Variants in ANKRD30B observed in about 807,000 individuals in gnomAD.
ANKRD30B encodes the protein ankyrin repeat domain 30B.
ANKRD30B carries 144 observed loss-of-function variants against 202.2 expected under a neutral mutation model. That is an observed-to-expected ratio of 0.71 (90% CI 0.62 to 0.82). The LOEUF (loss-of-function observed/expected upper bound fraction) is 0.82, where lower values mean the gene tolerates loss of function less well. Among genes scored for constraint, ANKRD30B ranks in the 40% least tolerant of loss-of-function variants. The probability of loss-of-function intolerance (pLI) is 0.00; values close to 1 mark genes in which losing one functional copy is unlikely to be tolerated. For synonymous variants in ANKRD30B, 508 were observed against 561.3 expected, an observed-to-expected ratio of 0.91 and a Z score of 1.34; for missense variants, 1,487 against 1,669.1, an observed-to-expected ratio of 0.89 and a Z score of 1.90.
At chr18:14,840,420 T>C (rs1376966557) in intron 36 of ANKRD30B, among the ~76,000 whole-genome samples, 168 bp from the exon 37 acceptor site, 3 of 152,102 alleles carry the variant, frequency 2.0e-5, no homozygotes, top group Non-Finnish European at 4.4e-5. Context: ...ATGCCTGTAG[T>C]CCCAGCTACT....
At chr18:14,875,882 G>A in the ANKRD30B span, among the ~76,000 whole-genome samples, 2 of 152,072 alleles carry the variant, frequency 1.3e-5, no homozygotes, top group South Asian at 4.2e-4. Flanking sequence ...CTGGGCAATG[G>A]GCGCTAAGAA....
intron 20 of ANKRD30B, among the ~76,000 whole-genome samples, chr18:14,798,890 G>A (rs570947776): frequency 6.6e-6 from 1 of 152,132 alleles, no homozygotes; most frequent in Non-Finnish European, 1.5e-5. Flanking sequence ...CAGGAGCATT[G>A]CATCTTTCAT....
chr18:14,773,870 G>A (rs1967181077), intron 9 of ANKRD30B, among the ~76,000 whole-genome samples: 2 of 152,218 alleles, frequency 1.3e-5, no homozygotes, highest in East Asian at 3.9e-4. Flanking sequence ...TGGCCAGGAT[G>A]ATCTCTATCT....
intron 28 of ANKRD30B, 42 bp downstream of exon 28, chr18:14,810,222 T>A: frequency 8.4e-7 from 1 of 1,197,274 alleles, no homozygotes; most frequent in African/African-American, 1.6e-5. Flanking sequence ...ATTAAGAATA[T>A]TAAACTATTT....
the ANKRD30B span, among the ~76,000 whole-genome samples, chr18:14,886,744 C>T: frequency 3.3e-5 from 5 of 152,046 alleles, no homozygotes; most frequent in Admixed American, 1.3e-4. Flanking sequence ...GTCTGGTAGG[C>T]ACTTAAGGAA....
At chr18:14,836,839 CGT>C (rs1971196158) in intron 34 of ANKRD30B, among the ~76,000 whole-genome samples, 1 of 151,770 alleles carries the variant, frequency 6.6e-6, no homozygotes. Flanking sequence ...TGACTCTGCA[CGT>C]TGTCTGTCCT....
chr18:14,760,825 G>A (rs1437969836), intron 6 of ANKRD30B, among the ~76,000 whole-genome samples: 1 of 151,886 alleles, frequency 6.6e-6, no homozygotes, highest in Non-Finnish European at 1.5e-5. Context: ...AAGAATTTAG[G>A]TGTAGGTAGT....
At chr18:14,845,326 C>A (rs1971587570) in intron 39 of ANKRD30B, among the ~76,000 whole-genome samples, 1 of 152,296 alleles carries the variant, frequency 6.6e-6, no homozygotes, top group African/African-American at 2.4e-5. Flanking sequence ...CCAGTTTTCC[C>A]AACATCATTT....
intron 16 of ANKRD30B, 80 bp downstream of exon 16, chr18:14,791,571 T>A (rs948047543): frequency 6.2e-5 from 69 of 1,119,588 alleles, no homozygotes; most frequent in Non-Finnish European, 8.1e-5. Flanking sequence ...CTCTAATAGA[T>A]GAAGAAAATT....
At chr18:14,916,567 C>T in the ANKRD30B span, among the ~76,000 whole-genome samples, 2 of 152,128 alleles carry the variant, frequency 1.3e-5, no homozygotes, top group Admixed American at 6.5e-5. Flanking sequence ...GTACCATGCA[C>T]ACTGGGAAGC....
the ANKRD30B span, among the ~76,000 whole-genome samples, chr18:14,921,516 A>T: frequency 6.6e-6 from 1 of 152,194 alleles, no homozygotes; most frequent in Admixed American, 6.5e-5. Flanking sequence ...TTTTCCTCAC[A>T]CATACACTGA....
chr18:14,861,929 T>C, the ANKRD30B span, among the ~76,000 whole-genome samples: 1 of 152,172 alleles, frequency 6.6e-6, no homozygotes, highest in Non-Finnish European at 1.5e-5. Flanking sequence ...ACAACTATAT[T>C]AAGTGTCTTC....
chr18:14,765,062 A>G (rs1413625847), intron 7 of ANKRD30B, among the ~76,000 whole-genome samples: 2 of 152,218 alleles, frequency 1.3e-5, no homozygotes, highest in Non-Finnish European at 2.9e-5. Context: ...TTCATTGGAA[A>G]GGTTTGAGCA....
chr18:14,789,678 T>G (rs567274640), intron 15 of ANKRD30B, among the ~76,000 whole-genome samples: 121 of 152,316 alleles, frequency 7.9e-4, no homozygotes, highest in Non-Finnish European at 1.1e-3. Flanking sequence ...TTTTCTCAGG[T>G]TTGTCAAAGA....
the ANKRD30B span, among the ~76,000 whole-genome samples, chr18:14,904,609 C>T: frequency 3.8e-3 from 581 of 152,232 alleles, 8 homozygotes; most frequent in African/African-American, 0.013. Context: ...TATCCATTTA[C>T]AGCTTAATCC....
the ANKRD30B span, among the ~76,000 whole-genome samples, chr18:14,913,092 A>G: frequency 6.6e-6 from 1 of 152,264 alleles, no homozygotes; most frequent in Admixed American, 6.5e-5. Flanking sequence ...TCTTGGCCAC[A>G]TTGCAGGCTC....
Position 14,810,593 on chromosome 18 carries a change from G to GAAA in ANKRD30B, c.2488+415_2488+417dup, listed in dbSNP as rs1344663687. On this transcript the variant is annotated intron_variant, in intron 28 of 43. Coordinates refer to ENST00000690538, the MANE Select transcript of ANKRD30B (RefSeq NM_001367607.2). ...AGTGTTGTCATTCTGAGAATCTAAAGAAAATCAGTTTCTTGTTTTTCTGAT... is the reference window on the plus strand; with the variant it reads ...AGTGTTGTCATTCTGAGAATCTAAAGAAAAAAATCAGTTTCTTGTTTTTCTGAT... 1.3e-5 allele frequency among the ~76,000 whole-genome samples: 2 copies of GAAA among 151,080 alleles called. 1 individual carries two copies. Among genetic ancestry groups the GAAA allele is most frequent in the Non-Finnish European group, 2.9e-5 (2 of 67,854 alleles).
intron 26 of ANKRD30B, 102 bp from the exon 27 acceptor site, chr18:14,809,884 A>C: frequency 8.7e-7 from 1 of 1,148,930 alleles, no homozygotes. Flanking sequence ...TCCCTTTTCA[A>C]TCCAAGCATG....
intron 15 of ANKRD30B, among the ~76,000 whole-genome samples, chr18:14,791,194 A>AT (rs1216347358): frequency 6.6e-6 from 1 of 152,150 alleles, no homozygotes; most frequent in Non-Finnish European, 1.5e-5. Flanking sequence ...TGTTTATAGT[A>AT]TTCTCTGATG....
Sources: gnomAD v4.1 joint callset for allele counts (sites outside exome capture counted in the v4.1 genomes callset) on GRCh38, gnomAD v4.1.1 for gene constraint, MANE v1.5 for transcripts, NCBI Gene and HGNC (gene_info 2026-07-23, HGNC 2026-07-21) for gene names.